Variants in TRIM36 observed in about 807,000 individuals in gnomAD.
The protein encoded by TRIM36 is E3 ubiquitin-protein ligase TRIM36.
In TRIM36, 42 loss-of-function variants were observed where a neutral mutation model predicts 72.4. The observed-to-expected ratio is 0.58, with a 90% CI of 0.45 to 0.75. The LOEUF (loss-of-function observed/expected upper bound fraction) is 0.75, where lower values mean the gene tolerates loss of function less well. Among genes scored for constraint, TRIM36 ranks in the 30% least tolerant of loss-of-function variants. The pLI is 0.00. For synonymous variants in TRIM36, 315 were observed against 282.8 expected (o/e 1.11, Z -1.14); for missense variants, 913 against 857.1 (o/e 1.07, Z -0.81).
chr5:115,158,024 C>T (rs575137172), intron 2 of TRIM36, among the ~76,000 whole-genome samples: 8 of 152,074 alleles, frequency 5.3e-5, no homozygotes, highest in South Asian at 4.2e-4. Context: ...GGATACTGCT[C>T]GGGTTATGGG....
intron 1 of TRIM36, among the ~76,000 whole-genome samples, chr5:115,176,396 G>A (rs1429566281): frequency 1.3e-5 from 2 of 151,916 alleles, no homozygotes; most frequent in East Asian, 3.9e-4. Flanking sequence ...TGAATTTTTT[G>A]TGCCTCAAAG....
Position 115,126,050 on chromosome 5 carries a change from C to A in TRIM36, c.*453G>T, listed in dbSNP as rs1349716649. 1.3e-5 allele frequency: 2 copies of A among 153,802 alleles called. No homozygotes were observed. Among genetic ancestry groups the A allele is most frequent in the Non-Finnish European group, 2.9e-5 (2 of 69,286 alleles). The allele number at this position is 153,802 out of a possible 1,614,324, so 9.5% of individuals were successfully genotyped here. A position where few individuals can be genotyped will look rare whatever the true frequency, so the allele number is the denominator to read the frequency against. ...TTTGTTTTCCTATTGAAAACAAATG[C>A]AAGACACATTGCTTAGTACTAATTC... On this transcript the variant is annotated 3_prime_UTR_variant, in exon 10 of 10. Coordinates refer to ENST00000513154, the MANE Select transcript of TRIM36 (RefSeq NM_001300759.2).
At chr5:115,176,279 G>T (rs1189000047) in intron 1 of TRIM36, among the ~76,000 whole-genome samples, 1 of 152,268 alleles carries the variant, frequency 6.6e-6, no homozygotes, top group East Asian at 1.9e-4. Context: ...CCCAGGAGAT[G>T]TTTAAGACCT....
intron 2 of TRIM36, chr5:115,148,283 C>T (rs1377453255): frequency 1.1e-6 from 1 of 937,078 alleles, no homozygotes; most frequent in Non-Finnish European, 1.3e-6. Flanking sequence ...CATTTTTGTT[C>T]AGTATTATCC....
chr5:115,180,218 T>C (rs931093977), upstream of TRIM36: 4 of 571,134 alleles, frequency 7.0e-6, no homozygotes, highest in South Asian at 9.2e-5. Context: ...ATGAAGGCCA[T>C]CGAGGGCTCC....
chr5:115,172,863 T>C (rs1755175167), upstream of TRIM36, among the ~76,000 whole-genome samples: 1 of 152,114 alleles, frequency 6.6e-6, no homozygotes, highest in Admixed American at 6.5e-5. Context: ...ATGATAACCA[T>C]TGTGGAGAAG....
chr5:115,177,980 T>C (rs1755421757), intron 1 of TRIM36: 6 of 1,159,682 alleles, frequency 5.2e-6, no homozygotes, highest in South Asian at 2.7e-5. Flanking sequence ...GATGAACCCA[T>C]TGGTATTCTG....
At chr5:115,164,257 C>G (rs1343999835) in intron 1 of TRIM36, among the ~76,000 whole-genome samples, 1 of 152,184 alleles carries the variant, frequency 6.6e-6, no homozygotes, top group African/African-American at 2.4e-5. Flanking sequence ...GCTGAATTAT[C>G]AGCAATTTTC....
Position 115,126,144 on chromosome 5 carries a change from A to G in TRIM36, c.*359T>C, listed in dbSNP as rs559462615. On this transcript the variant is annotated 3_prime_UTR_variant, in exon 10 of 10. Transcript: ENST00000513154. ...ACATGATATAAAAATGAAAAGTCAAACAGAAGAGAATCATAATAAATACTT... is the reference window on the plus strand; with the variant it reads ...ACATGATATAAAAATGAAAAGTCAAGCAGAAGAGAATCATAATAAATACTT... The G allele has an allele frequency of 1.1e-5, 2 of 189,756 alleles. No homozygotes were observed. Among genetic ancestry groups the G allele is most frequent in the East Asian group, 2.6e-4 (2 of 7,808 alleles). The allele number at this position is 189,756 out of a possible 1,614,324, so 11.8% of individuals were successfully genotyped here. A position where few individuals can be genotyped will look rare whatever the true frequency, so the allele number is the denominator to read the frequency against.
intron 1 of TRIM36, among the ~76,000 whole-genome samples, chr5:115,165,410 A>G (rs1292590150): frequency 1.3e-5 from 2 of 152,222 alleles, no homozygotes; most frequent in African/African-American, 2.4e-5. Context: ...AAATCTAGGC[A>G]GAGGTTTCCA....
At chr5:115,148,282 T>C (rs1452463893) in intron 2 of TRIM36, 1 of 931,500 alleles carries the variant, frequency 1.1e-6, no homozygotes, top group Non-Finnish European at 1.3e-6. Flanking sequence ...ACATTTTTGT[T>C]CAGTATTATC....
rs775191611 is a variant in TRIM36 at position 115,134,094 on chromosome 5, A to T, written c.1264T>A (p.Leu422Met). Residue 422 changes from leucine to methionine, a missense_variant, in exon 8 of 10, where the codon TTG becomes ATG. Transcript: ENST00000513154. Reference protein sequence around the residue: ...EEQSKVYNNALINWHHPEKDK... With the variant: ...EEQSKVYNNAMINWHHPEKDK... ...TTTTCTGGATGGTGCCAATTTATCA[A>T]GGCATTGTTATAAACTTTGCTCTGT... The T allele has an allele frequency of 2.5e-6, 4 of 1,613,044 alleles. No homozygotes were observed. In the African/African-American group the frequency reaches 5.3e-5, roughly 22 times the overall value.
At chr5:115,137,276 G>T (rs1753012278) in intron 6 of TRIM36, 87 bp downstream of exon 6, 5 of 1,512,828 alleles carry the variant, frequency 3.3e-6, no homozygotes, top group African/African-American at 1.4e-5. Flanking sequence ...ACAGCATTAT[G>T]GACCAATCAG....
intron 1 of TRIM36, 30 bp from the exon 2 acceptor site, chr5:115,163,782 C>A: frequency 6.4e-7 from 1 of 1,553,488 alleles, no homozygotes; most frequent in Middle Eastern, 1.7e-4. Context: ...AAGTTAAAGG[C>A]TCTTAGTGGG....
chr5:115,133,377 T>G (rs1003947586), intron 8 of TRIM36, among the ~76,000 whole-genome samples: 8 of 152,174 alleles, frequency 5.3e-5, no homozygotes, highest in Admixed American at 3.9e-4. Context: ...CATGTGGTTC[T>G]AATATATGGC....
chr5:115,165,743 C>A (rs6867258), intron 1 of TRIM36, among the ~76,000 whole-genome samples: 9 of 152,032 alleles, frequency 5.9e-5, no homozygotes, highest in African/African-American at 1.9e-4. Flanking sequence ...CTCCTGGGTG[C>A]AATTGCAGCC....
Position 115,147,242 on chromosome 5 carries a change from C to A in TRIM36, c.415G>T (p.Ala139Ser), listed in dbSNP as rs1423709710. The A allele has an allele frequency of 6.2e-7, 1 of 1,614,054 alleles. No homozygotes were observed. The highest frequency in any genetic ancestry group is 1.7e-5 in the Admixed American group (1 of 59,998). The stretch of plus-strand genomic sequence containing the variant: ...AGGTCACACATAATGGCTGTGGCTG[C>A]CCTAGCTGCTTGACGATATCTTTCC... ...IVERYRQAARAATAIMCDLCK... is the reference protein window; with the variant it reads ...IVERYRQAARSATAIMCDLCK... The change falls in exon 3 of 10, where the codon GCA becomes TCA. Residue 139 changes from alanine (A) to serine (S), a missense_variant. Ala to Ser is a moderately conservative substitution (Grantham distance 99). Transcript: ENST00000513154.
upstream of TRIM36, among the ~76,000 whole-genome samples, chr5:115,171,928 C>G (rs1755133171): frequency 1.3e-5 from 2 of 152,202 alleles, no homozygotes; most frequent in South Asian, 2.1e-4. Context: ...TGAAACAGAT[C>G]ATTTGGTGGT....
At chr5:115,133,100 T>C (rs1401749490) in intron 8 of TRIM36, among the ~76,000 whole-genome samples, 1 of 152,102 alleles carries the variant, frequency 6.6e-6, no homozygotes, top group Non-Finnish European at 1.5e-5. Flanking sequence ...CAAGGGACAG[T>C]GGACCTAAAA....
Sources: gnomAD v4.1 joint callset for allele counts (sites outside exome capture counted in the v4.1 genomes callset) on GRCh38, gnomAD v4.1.1 for gene constraint, MANE v1.5 for transcripts, NCBI Gene and HGNC (gene_info 2026-07-23, HGNC 2026-07-21) for gene names.